KIAA1328: variants seen among roughly 807,000 people sequenced by gnomAD.
KIAA1328 encodes the protein protein hinderin.
In KIAA1328, 52 loss-of-function variants were observed where a neutral mutation model predicts 68.1. The ratio of observed to expected loss-of-function variants is 0.76; its 90% CI spans 0.61 to 0.96. The LOEUF (loss-of-function observed/expected upper bound fraction) is 0.96. KIAA1328 is among the 40% of genes least tolerant of loss of function. KIAA1328 has a pLI of 0.00. For synonymous variants in KIAA1328, 232 were observed against 239.4 expected (o/e 0.97, Z 0.28); for missense variants, 641 against 677.6 (o/e 0.95, Z 0.60).
chr18:36,975,491 C>CA (rs1418430862), intron 6 of KIAA1328, among the ~76,000 whole-genome samples: 6 of 152,170 alleles, frequency 3.9e-5, no homozygotes, highest in Non-Finnish European at 8.8e-5. Flanking sequence ...CTACAAGCTA[C>CA]AATTCTAAAC....
chr18:36,898,630 T>C (rs1247948895), intron 5 of KIAA1328, among the ~76,000 whole-genome samples: 5 of 152,004 alleles, frequency 3.3e-5, no homozygotes, highest in Non-Finnish European at 7.4e-5. Flanking sequence ...ATAAAACTCA[T>C]CTGCTGCCAG....
intron 5 of KIAA1328, among the ~76,000 whole-genome samples, chr18:36,910,543 A>G (rs911408017): frequency 1.3e-5 from 2 of 152,148 alleles, no homozygotes; most frequent in Non-Finnish European, 2.9e-5. Flanking sequence ...TATAGTTTGA[A>G]GTCAGGTAGC....
chr18:36,907,820 G>A (rs894765752), intron 5 of KIAA1328, among the ~76,000 whole-genome samples: 3 of 152,082 alleles, frequency 2.0e-5, no homozygotes, highest in African/African-American at 7.2e-5. Context: ...TATAGAATGA[G>A]TTTAATCTTT....
intron 7 of KIAA1328, among the ~76,000 whole-genome samples, chr18:37,081,957 A>G (rs988991683): frequency 1.3e-5 from 2 of 152,108 alleles, no homozygotes; most frequent in African/African-American, 4.8e-5. Flanking sequence ...TTAATGTGTA[A>G]TGTTGTTCTG....
At chr18:36,891,838 T>TG (rs2048699093) in intron 5 of KIAA1328, among the ~76,000 whole-genome samples, 1 of 152,200 alleles carries the variant, frequency 6.6e-6, no homozygotes, top group Admixed American at 6.5e-5. Flanking sequence ...GTGGGATTGC[T>TG]GGATCAAATA....
At chr18:36,933,967 G>C (rs945326650) in intron 5 of KIAA1328, among the ~76,000 whole-genome samples, 1 of 152,192 alleles carries the variant, frequency 6.6e-6, no homozygotes, top group African/African-American at 2.4e-5. Flanking sequence ...CACTGCAGCT[G>C]CCCCGTGTGT....
At chr18:37,221,901 G>A in intron 9 of KIAA1328, 116 bp from the exon 10 acceptor site, 1 of 1,016,292 alleles carries the variant, frequency 9.8e-7, no homozygotes, top group Non-Finnish European at 1.5e-6. Context: ...ATCATCTTAT[G>A]CATGATGTGA....
chr18:37,055,050 T>C (rs2055855539), intron 6 of KIAA1328, among the ~76,000 whole-genome samples: 1 of 152,128 alleles, frequency 6.6e-6, no homozygotes, highest in South Asian at 2.1e-4. Context: ...TGTGCTGCAA[T>C]CCCTATGGGA....
intron 6 of KIAA1328, among the ~76,000 whole-genome samples, chr18:36,972,845 A>G (rs995116853): frequency 3.3e-5 from 5 of 152,190 alleles, no homozygotes; most frequent in Non-Finnish European, 5.9e-5. Context: ...ATTGGTGCAT[A>G]CACTTAAACA....
rs1215961513 is a variant in KIAA1328, at chr18:36,915,633, T to TA, written c.448+29962dup. ...AAACTACAATGAGATAGTATTATCT[T>TA]ACACACCTTCTAGAATAGGTAAAGT... On this transcript the variant is annotated intron_variant, in intron 5 of 9. Coordinates refer to ENST00000280020, the MANE Select transcript of KIAA1328 (RefSeq NM_020776.3). 5.3e-5 allele frequency among the ~76,000 whole-genome samples: 8 copies of TA among 152,272 alleles called. No homozygotes were observed. The East Asian group carries it at 1.4e-3, about 26-fold the overall frequency.
At chr18:37,101,012 C>T (rs1012710827) in intron 7 of KIAA1328, among the ~76,000 whole-genome samples, 2 of 152,140 alleles carry the variant, frequency 1.3e-5, no homozygotes, top group Admixed American at 6.6e-5. Flanking sequence ...CACCAAAACC[C>T]CATCTGTACG....
downstream of KIAA1328, chr18:37,230,848 A>G (rs1385275394): frequency 6.6e-6 from 1 of 152,138 alleles, no homozygotes; most frequent in Non-Finnish European, 1.5e-5. Context: ...CAAATCTAAG[A>G]TTTGTAACTT....
chr18:36,929,347 C>G (rs1373630921), intron 5 of KIAA1328, among the ~76,000 whole-genome samples: 2 of 152,166 alleles, frequency 1.3e-5, no homozygotes, highest in African/African-American at 2.4e-5. Flanking sequence ...AAATGGGCAC[C>G]TCTCTTCTAT....
At chr18:37,070,286 A>T (rs137993959) in intron 7 of KIAA1328, among the ~76,000 whole-genome samples, 1 of 152,246 alleles carries the variant, frequency 6.6e-6, no homozygotes, top group African/African-American at 2.4e-5. Flanking sequence ...AAGAATACGT[A>T]TTCTGCTGTT....
intron 6 of KIAA1328, among the ~76,000 whole-genome samples, chr18:36,961,944 G>A (rs1246959695): frequency 6.6e-6 from 1 of 152,170 alleles, no homozygotes; most frequent in Non-Finnish European, 1.5e-5. Context: ...CATAATGACA[G>A]GATCAAATTC....
At chr18:36,999,057 A>G (rs1343661628) in intron 6 of KIAA1328, among the ~76,000 whole-genome samples, 4 of 152,246 alleles carry the variant, frequency 2.6e-5, no homozygotes, top group African/African-American at 9.6e-5. Flanking sequence ...ATATGAATGA[A>G]TTATGAAAGC....
chr18:37,173,204 T>G lies in KIAA1328; in HGVS notation c.1523+123T>G, dbSNP rs544812506. On this transcript the variant is annotated intron_variant, in intron 9 of 9. Transcript: ENST00000280020. ...AGTAATTCTTTCTCAAGAGAGGTCC[T>G]TCTTTTGAAGCATCTAGATTTGGCC... 23 of 683,118 alleles carry G rather than the reference T, an allele frequency of 3.4e-5. No homozygotes were observed. The South Asian group carries it at 5.0e-4, about 15-fold the overall frequency. The allele number at this position is 683,118 out of a possible 1,614,324, so 42.3% of individuals were successfully genotyped here. A position where few individuals can be genotyped will look rare whatever the true frequency, so the allele number is the denominator to read the frequency against.
At chr18:36,889,207 T>C (rs2048599214) in intron 5 of KIAA1328, among the ~76,000 whole-genome samples, 1 of 152,196 alleles carries the variant, frequency 6.6e-6, no homozygotes, top group Non-Finnish European at 1.5e-5. Flanking sequence ...TAAATGAATG[T>C]GCCATTTACA....
chr18:37,160,786 A>G (rs1291425276), intron 8 of KIAA1328, among the ~76,000 whole-genome samples: 1 of 152,250 alleles, frequency 6.6e-6, no homozygotes, highest in Non-Finnish European at 1.5e-5. Flanking sequence ...AGGAGAGGTC[A>G]TGGACAATTC....
Sources: allele counts gnomAD v4.1 joint callset (sites outside exome capture counted in the v4.1 genomes callset), GRCh38; gene constraint gnomAD v4.1.1; transcripts MANE v1.5; gene names NCBI Gene and HGNC (gene_info 2026-07-23, HGNC 2026-07-21).